Variants in CNBD1 observed in about 807,000 individuals in gnomAD.
CNBD1 encodes the protein cyclic nucleotide binding domain containing 1, also known as cyclic nucleotide-binding domain-containing protein 1.
A neutral mutation model predicts 54.4 loss-of-function variants in CNBD1; 71 were observed. That is an observed-to-expected ratio of 1.30 (90% CI 1.08 to 1.59). CNBD1 has a LOEUF of 1.59. Ranked by LOEUF, CNBD1 falls within the 40% of genes most tolerant of loss-of-function variation. The pLI, the probability that CNBD1 is intolerant of heterozygous loss-of-function variation, is 0.00. For missense variants in CNBD1, 659 were observed against 518.0 expected (o/e 1.27, Z -2.64); for synonymous variants, 182 against 170.7 (o/e 1.07, Z -0.51).
At chr8:87,379,404 C>T (rs543961079) in intron 10 of CNBD1, among the ~76,000 whole-genome samples, 108 of 151,968 alleles carry the variant, frequency 7.1e-4, no homozygotes, top group African/African-American at 1.9e-3. Flanking sequence ...ACAGAACTCT[C>T]CACCCCAAAT....
chr8:86,955,522 A>G (rs1361399031), intron 4 of CNBD1, among the ~76,000 whole-genome samples: 1 of 152,220 alleles, frequency 6.6e-6, no homozygotes, highest in Non-Finnish European at 1.5e-5. Context: ...AATGATTGCC[A>G]TTCTAACTGA....
At chr8:86,922,335 GAAGA>G (rs1210914420) in intron 3 of CNBD1, among the ~76,000 whole-genome samples, 1 of 152,032 alleles carries the variant, frequency 6.6e-6, no homozygotes, top group Non-Finnish European at 1.5e-5. Context: ...AAGAGAAAGA[GAAGA>G]AAGAGAAATA....
intron 6 of CNBD1, among the ~76,000 whole-genome samples, chr8:87,275,112 T>G (rs1808446821): frequency 7.2e-6 from 1 of 138,006 alleles, no homozygotes; most frequent in Admixed American, 7.0e-5. Context: ...CTGAGGGCTG[T>G]GTTCTGTTCC....
chr8:86,930,820 G>T (rs562890203), intron 3 of CNBD1, among the ~76,000 whole-genome samples: 5 of 152,316 alleles, frequency 3.3e-5, no homozygotes, highest in African/African-American at 1.2e-4. Context: ...ACTTTTAAAT[G>T]TTTAACAATA....
chr8:87,205,911 G>T, intron 4 of CNBD1, 82 bp from the exon 5 acceptor site: 1 of 1,137,608 alleles, frequency 8.8e-7, no homozygotes, highest in Non-Finnish European at 1.1e-6. Context: ...ATACAAATTT[G>T]GAAACTTAAA....
intron 4 of CNBD1, among the ~76,000 whole-genome samples, chr8:87,155,620 T>C (rs1812698283): frequency 6.6e-6 from 1 of 152,204 alleles, no homozygotes; most frequent in Non-Finnish European, 1.5e-5. Context: ...CTGGTTTGCA[T>C]TAATTTTGGT....
chr8:87,150,101 C>T (rs1237441040), intron 4 of CNBD1, among the ~76,000 whole-genome samples: 6 of 152,020 alleles, frequency 3.9e-5, no homozygotes, highest in Non-Finnish European at 7.4e-5. Flanking sequence ...GGCGTGAACC[C>T]GGGAGGCGGA....
At chr8:86,936,980 G>A (rs890699990) in intron 3 of CNBD1, among the ~76,000 whole-genome samples, 1 of 152,090 alleles carries the variant, frequency 6.6e-6, no homozygotes, top group Non-Finnish European at 1.5e-5. Flanking sequence ...ATAAACTGAG[G>A]ATAATATTGC....
chr8:87,048,786 A>G (rs891659959), intron 4 of CNBD1, among the ~76,000 whole-genome samples: 1 of 152,134 alleles, frequency 6.6e-6, no homozygotes, highest in Non-Finnish European at 1.5e-5. Context: ...ATAACTTCCT[A>G]TCCTTTGAAT....
chr8:87,229,324 T>G (rs1057311635), intron 5 of CNBD1, among the ~76,000 whole-genome samples: 1 of 152,202 alleles, frequency 6.6e-6, no homozygotes, highest in African/African-American at 2.4e-5. Context: ...TGAAATCGTT[T>G]TATGTATTTT....
At chr8:87,205,860 G>A in intron 4 of CNBD1, 133 bp from the exon 5 acceptor site, 1 of 614,112 alleles carries the variant, frequency 1.6e-6, no homozygotes, top group Non-Finnish European at 2.4e-6. Flanking sequence ...AAATAGAATA[G>A]CATCACAGTT....
chr8:86,946,091 G>A (rs1807459883), intron 4 of CNBD1, among the ~76,000 whole-genome samples: 1 of 152,166 alleles, frequency 6.6e-6, no homozygotes. Flanking sequence ...CTATGTGAAT[G>A]TCAATCTCCC....
chr8:87,268,620 G>A (rs1235406303), intron 6 of CNBD1, among the ~76,000 whole-genome samples: 5 of 151,960 alleles, frequency 3.3e-5, no homozygotes, highest in African/African-American at 1.2e-4. Flanking sequence ...TTTAATAATA[G>A]CCATTTTGAC....
chr8:87,204,593 A>G (rs1401642747), intron 4 of CNBD1, among the ~76,000 whole-genome samples: 3 of 152,190 alleles, frequency 2.0e-5, no homozygotes, highest in Admixed American at 1.3e-4. Context: ...AACAAGCAGA[A>G]CTAAGCAAAC....
intron 1 of CNBD1, among the ~76,000 whole-genome samples, chr8:86,886,475 G>A (rs1033671430): frequency 6.6e-6 from 1 of 152,016 alleles, no homozygotes; most frequent in Non-Finnish European, 1.5e-5. Flanking sequence ...GATATGATAT[G>A]GATAACAATC....
chr8:87,419,599 A>G (rs1807894341), intron 2 of CNBD1, among the ~76,000 whole-genome samples: 1 of 151,900 alleles, frequency 6.6e-6, no homozygotes, highest in Non-Finnish European at 1.5e-5. Context: ...AACAGTGGAG[A>G]TCATCAGCAA....
intron 6 of CNBD1, among the ~76,000 whole-genome samples, chr8:87,251,329 G>A (rs1190541167): frequency 1.3e-5 from 2 of 152,034 alleles, no homozygotes; most frequent in Admixed American, 1.3e-4. Context: ...GCTTATGCCT[G>A]TAATCCCAGC....
intron 8 of CNBD1, among the ~76,000 whole-genome samples, chr8:87,350,279 C>T (rs1437100382): frequency 6.6e-6 from 1 of 151,730 alleles, no homozygotes; most frequent in South Asian, 2.1e-4. Flanking sequence ...AGAAGAGTTA[C>T]CATAAATTTT....
At position 86,915,616 on chromosome 8, in the gene CNBD1, A is replaced by T. The variant is rs917312596; in HGVS notation, c.272+10422A>T. ...CAGATCAAACTTCCTTCAGTGCCAT[A>T]ATTTTCTGTTATAATTTTTGCAATG... On this transcript the variant is annotated intron_variant, in intron 3 of 10. Transcript: ENST00000518476. 1.3e-4 allele frequency among the ~76,000 whole-genome samples: 20 copies of T among 152,316 alleles called. 2 individuals carry two copies. Among genetic ancestry groups the T allele is most frequent in the Admixed American group, 1.2e-3 (19 of 15,296 alleles).
Sources: allele counts gnomAD v4.1 joint callset (sites outside exome capture counted in the v4.1 genomes callset), GRCh38; gene constraint gnomAD v4.1.1; transcripts MANE v1.5; gene names NCBI Gene and HGNC (gene_info 2026-07-23, HGNC 2026-07-21).